LYST: variants seen among roughly 807,000 people sequenced by gnomAD.
LYST encodes the protein lysosomal trafficking regulator.
Under a neutral mutation model 413.6 loss-of-function variants are expected in LYST, and 192 were observed. The ratio of observed to expected loss-of-function variants is 0.46; its 90% CI spans 0.41 to 0.52. The LOEUF is 0.52. Ranked by LOEUF, LYST falls within the 20% of genes least tolerant of loss-of-function variation. The probability of loss-of-function intolerance (pLI) is 0.00; values close to 1 mark genes in which losing one functional copy is unlikely to be tolerated. For synonymous variants in LYST, 1,525 were observed against 1,567.3 expected (o/e 0.97, Z 0.64); for missense variants, 3,815 against 4,499.9 (o/e 0.85, Z 4.35).
At chr1:235,704,896 A>G (rs968180082) in intron 44 of LYST, among the ~76,000 whole-genome samples, 1 of 152,232 alleles carries the variant, frequency 6.6e-6, no homozygotes, top group Admixed American at 6.5e-5. Context: ...ACTGTTTTAA[A>G]ATTTATTTTA....
intron 31 of LYST, chr1:235,737,959 G>GAAAAAA: frequency 1.2e-5 from 15 of 1,300,070 alleles, no homozygotes; most frequent in South Asian, 4.6e-5. Context: ...CGCCGGACGT[G>GAAAAAA]CATTCTCGAT....
At chr1:235,737,918 T>C in intron 31 of LYST, 42 of 1,164,660 alleles carry the variant, frequency 3.6e-5, no homozygotes, top group Admixed American at 2.6e-4. Flanking sequence ...TGCCGACGAG[T>C]CTGGATCTCA....
intron 23 of LYST, among the ~76,000 whole-genome samples, chr1:235,758,604 T>C (rs1157852096): frequency 1.3e-5 from 2 of 152,324 alleles, no homozygotes; most frequent in South Asian, 2.1e-4. Flanking sequence ...AGTCTAGAAA[T>C]CACTCCCACC....
chr1:235,686,839 G>T lies in LYST; in HGVS notation c.10800+110C>A. On this transcript the variant is annotated intron_variant, in intron 48 of 52. Transcript: ENST00000389793. This position sits in a 1 kb window ranked among gnomAD's most constrained non-coding sequence, Gnocchi z 4.0. ...AGACCTAATGTAGGGAGAAGATTAA[G>T]GTATAAACATTTTAAGTTAATCTTA... The T allele has an allele frequency of 1.2e-6, 1 of 842,562 alleles. No homozygotes were observed. The highest frequency in any genetic ancestry group is 2.1e-6 in the Non-Finnish European group (1 of 479,824). The allele number at this position is 842,562 out of a possible 1,614,324, so 52.2% of individuals were successfully genotyped here. A position where few individuals can be genotyped will look rare whatever the true frequency, so the allele number is the denominator to read the frequency against.
upstream of LYST, among the ~76,000 whole-genome samples, chr1:235,867,502 CACTGCAGAAGT>C: frequency 1.3e-5 from 2 of 150,948 alleles, no homozygotes; most frequent in Admixed American, 1.3e-4. Context: ...TTTGCAAAGC[CACTGCAGAAGT>C]AATTCAGTGC....
chr1:235,866,483 C>T (rs1188362751), intron 1 of LYST, among the ~76,000 whole-genome samples: 1 of 152,196 alleles, frequency 6.6e-6, no homozygotes, highest in Non-Finnish European at 1.5e-5. Context: ...ATAAAGGTAG[C>T]AACACACCGC....
Position 235,802,616 on chromosome 1 carries a change from TTATC to T in LYST, c.3712+288_3712+291del, listed in dbSNP as rs1672369746. ...ACCCAGTTTATCGATTTCTATTTTA[TTATC>T]TATTTCTGGTATTTATTGTCTTTCA... On this transcript the variant is annotated intron_variant, in intron 8 of 52. Transcript: ENST00000389793. Among the ~76,000 whole-genome samples, 3 of 152,238 alleles carry T rather than the reference TTATC, an allele frequency of 2.0e-5. No homozygotes were observed. In the South Asian group the frequency reaches 6.2e-4, roughly 31 times the overall value.
intron 48 of LYST, among the ~76,000 whole-genome samples, chr1:235,683,222 C>T (rs1207451709): frequency 6.6e-6 from 1 of 152,230 alleles, no homozygotes; most frequent in East Asian, 1.9e-4. Context: ...CAGAAAATAA[C>T]TTCCAGCGGG....
chr1:235,796,644 G>T (rs966759664), intron 10 of LYST, among the ~76,000 whole-genome samples: 1 of 152,172 alleles, frequency 6.6e-6, no homozygotes, highest in Non-Finnish European at 1.5e-5. Context: ...GCCCTCATGG[G>T]TGTGATTCAT....
chr1:235,818,587 A>G (rs972042767), intron 3 of LYST, among the ~76,000 whole-genome samples: 5 of 152,216 alleles, frequency 3.3e-5, no homozygotes, highest in Admixed American at 6.5e-5. Flanking sequence ...GCTCATACTC[A>G]GTATACCTCA....
At chr1:235,877,250 A>G (rs1681178632) in intron 1 of LYST, among the ~76,000 whole-genome samples, 1 of 152,206 alleles carries the variant, frequency 6.6e-6, no homozygotes. Context: ...ACCAGCCATG[A>G]CAGAGAGGGG....
rs1435283536 is a variant in LYST, at chr1:235,755,394, A to AAAAGAAAAGAAAAGAAAAGAAAAG, written c.7229+60_7229+83dup. 31 of 881,442 alleles carry AAAAGAAAAGAAAAGAAAAGAAAAG rather than the reference A, an allele frequency of 3.5e-5. No individual in the cohort carries two copies. The African/African-American group carries it at 1.7e-3, about 49-fold the overall frequency. The allele number at this position is 881,442 out of a possible 1,614,324, so 54.6% of individuals were successfully genotyped here. On this transcript the variant is annotated intron_variant, in intron 25 of 52. Coordinates refer to ENST00000389793, the MANE Select transcript of LYST (RefSeq NM_000081.4). Reference sequence around the variant, plus strand: ...ACAGGGCGAGACTCCGTCTCAAAAGAAAAGAAAAGAAAAGAAAAGAAAAGA... The same window carrying AAAAGAAAAGAAAAGAAAAGAAAAG: ...ACAGGGCGAGACTCCGTCTCAAAAGAAAAGAAAAGAAAAGAAAAGAAAAGAAAGAAAAGAAAAGAAAAGAAAAGA...
At chr1:235,727,547 G>A (rs979657723) in intron 38 of LYST, among the ~76,000 whole-genome samples, 3 of 151,648 alleles carry the variant, frequency 2.0e-5, no homozygotes, top group Non-Finnish European at 4.4e-5. Flanking sequence ...CCTATTACAG[G>A]AATCTCAAAA....
intron 32 of LYST, among the ~76,000 whole-genome samples, chr1:235,734,142 A>C (rs1664618538): frequency 6.6e-6 from 1 of 152,080 alleles, no homozygotes; most frequent in African/African-American, 2.4e-5. Context: ...AGGGTTGCTA[A>C]ACCTGATGAG....
intron 31 of LYST, chr1:235,736,068 A>G (rs866120197): frequency 2.0e-5 from 3 of 152,136 alleles, no homozygotes; most frequent in African/African-American, 7.2e-5. Flanking sequence ...ATTCATTGTG[A>G]ATATCAAAGG....
chr1:235,672,845 G>C (rs553979625), intron 50 of LYST, among the ~76,000 whole-genome samples: 27 of 152,080 alleles, frequency 1.8e-4, no homozygotes, highest in Admixed American at 6.5e-4. Context: ...TTCCACTACT[G>C]ACCTCCCAAC....
Position 235,830,331 on chromosome 1 carries a change from G to A in LYST, c.87C>T (p.Ala29=). The A allele has an allele frequency of 1.2e-6, 2 of 1,613,708 alleles. No homozygotes were observed. Among genetic ancestry groups the A allele is most frequent in the Non-Finnish European group, 8.5e-7 (1 of 1,179,820 alleles). The change falls in exon 3 of 53, where the codon GCC becomes GCT. Residue 29 remains alanine, a synonymous_variant. Transcript: ENST00000389793. ...GCGTCTCCTCCTCTTCTTCCTCCCTGGCCTCCACCCTCTGGACCACTGCAT... is the reference window on the plus strand; with the variant it reads ...GCGTCTCCTCCTCTTCTTCCTCCCTAGCCTCCACCCTCTGGACCACTGCAT... ...LCNAVVQRVE[A]REEEEEETHM... is the part of the protein sequence containing the mutation.
intron 31 of LYST, chr1:235,738,125 G>C: frequency 6.2e-7 from 1 of 1,608,364 alleles, no homozygotes; most frequent in African/African-American, 1.3e-5. Flanking sequence ...TCTTAATGAA[G>C]GACTTGGCAG....
intron 3 of LYST, among the ~76,000 whole-genome samples, chr1:235,819,992 G>A (rs1320291706): frequency 6.6e-6 from 1 of 152,224 alleles, no homozygotes; most frequent in Non-Finnish European, 1.5e-5. Context: ...AAATAACTGT[G>A]TTACACCTTT....
Sources: allele counts gnomAD v4.1 joint callset (sites outside exome capture counted in the v4.1 genomes callset), GRCh38; gene constraint gnomAD v4.1.1; non-coding constraint Gnocchi (gnomAD v3.1); transcripts MANE v1.5; gene names NCBI Gene and HGNC (gene_info 2026-07-23, HGNC 2026-07-21).